ENTPD4: variants seen among roughly 807,000 people sequenced by gnomAD.
ENTPD4 encodes the protein ectonucleoside triphosphate diphosphohydrolase 4, also known as Golgi UDPase.
A neutral mutation model predicts 79.1 loss-of-function variants in ENTPD4; 60 were observed. The ratio of observed to expected loss-of-function variants is 0.76; its 90% CI spans 0.62 to 0.94. The LOEUF (loss-of-function observed/expected upper bound fraction) is 0.94, where lower values mean the gene tolerates loss of function less well. Ranked by LOEUF, ENTPD4 falls within the 40% of genes least tolerant of loss-of-function variation. The pLI is 0.00. For synonymous variants in ENTPD4, 276 were observed against 292.0 expected (o/e 0.95, Z 0.56); for missense variants, 772 against 775.1 (o/e 1.00, Z 0.05).
intron 4 of ENTPD4, 29 bp downstream of exon 4, chr8:23,447,651 T>C: frequency 4.5e-6 from 7 of 1,563,320 alleles, no homozygotes; most frequent in Non-Finnish European, 6.2e-6. Context: ...CACACCCTGG[T>C]TACCAGGCAG....
chr8:23,435,526 T>A (rs777646781), intron 10 of ENTPD4, 49 bp from the exon 11 acceptor site: 3 of 1,388,606 alleles, frequency 2.2e-6, no homozygotes, highest in Non-Finnish European at 3.1e-6. Flanking sequence ...CTTATTAAAA[T>A]TCTCACTTTA....
chr8:23,448,225 G>C (rs976804398), intron 3 of ENTPD4, among the ~76,000 whole-genome samples: 37 of 152,186 alleles, frequency 2.4e-4, no homozygotes, highest in African/African-American at 8.4e-4. Context: ...TTATGATATG[G>C]ATTTGGTAGT....
At chr8:23,448,978 C>A in intron 2 of ENTPD4, 39 bp from the exon 3 acceptor site, 1 of 1,518,534 alleles carries the variant, frequency 6.6e-7, no homozygotes, top group South Asian at 1.1e-5. Flanking sequence ...GCAATCTGCT[C>A]CAATGAGGCT....
rs944011196 is a variant in ENTPD4 at position 23,452,782 on chromosome 8, G to A, written c.-97-2785C>T. Among the ~76,000 whole-genome samples, 3 of 152,324 alleles carry A rather than the reference G, an allele frequency of 2.0e-5. No homozygotes were observed. In the East Asian group the frequency reaches 5.8e-4, roughly 29 times the overall value. The stretch of plus-strand genomic sequence containing the variant: ...CATTAGCAGAATGAACCTCTTCCTT[G>A]TGTTGTCAGTTGCATTCCTAAGAAT... On this transcript the variant is annotated intron_variant, in intron 1 of 12. Coordinates refer to ENST00000358689, the MANE Select transcript of ENTPD4 (RefSeq NM_004901.5).
In ENTPD4 at chr8:23,441,572, C is replaced by T. The variant is rs780839814; in HGVS notation, c.879G>A (p.Gln293=). 6.8e-6 allele frequency: 11 copies of T among 1,613,874 alleles called. No individual in the cohort carries two copies. In the East Asian group the frequency reaches 1.8e-4, roughly 26 times the overall value. The change falls in exon 8 of 13, where the codon CAG becomes CAA. Residue 293 remains glutamine, a synonymous_variant. Transcript: ENST00000358689. The part of the protein sequence containing the change: ...VPKTVSFASS[Q]QEEVAKNLLA... ...GGAAATTTGTACAGATAATGACCTG[C>T]TGTGAGGACGCAAAGCTTACAGTTT...
intron 8 of ENTPD4, 75 bp from the exon 9 acceptor site, chr8:23,439,990 T>C (rs1037438019): frequency 1.5e-6 from 2 of 1,310,216 alleles, no homozygotes; most frequent in African/African-American, 2.9e-5. Flanking sequence ...AGTCTAAAAA[T>C]AGTCTCATCT....
At chr8:23,434,180 C>T (rs1335170169) in intron 12 of ENTPD4, 137 bp downstream of exon 12, 11 of 1,184,934 alleles carry the variant, frequency 9.3e-6, no homozygotes, top group South Asian at 3.0e-5. Flanking sequence ...CAAAAGCAAA[C>T]GTCACTGTCC....
rs1800805094 is a variant in ENTPD4, at chr8:23,448,731, T to C, written c.206+11A>G. 1.9e-6 allele frequency: 3 copies of C among 1,611,532 alleles called. No homozygotes were observed. The South Asian group carries it at 3.3e-5, about 18-fold the overall frequency. ...CTTCTGGTCTAGAAAGCAAATGTTT[T>C]TATCTCTTACCTTTGAAATTTCTTG... On this transcript the variant is annotated intron_variant, in intron 3 of 12. Transcript: ENST00000358689.
rs1440037492 is a variant in ENTPD4 at position 23,455,639 on chromosome 8, T to G, written c.-98+1918A>C. Among the ~76,000 whole-genome samples, 3 of 152,240 alleles carry G rather than the reference T, an allele frequency of 2.0e-5. No individual in the cohort carries two copies. In the East Asian group the frequency reaches 5.8e-4, roughly 29 times the overall value. ...TCCTCCCTCTATTAATTTGCAAAAT[T>G]CTGGTTCCCATTTTAAGTAGTCTTT... On this transcript the variant is annotated intron_variant, in intron 1 of 12. Coordinates refer to ENST00000358689, the MANE Select transcript of ENTPD4 (RefSeq NM_004901.5).
rs553531704 is a variant in ENTPD4 at position 23,436,816 on chromosome 8, G to A, written c.1374+118C>T. The A allele has an allele frequency of 3.7e-6, 3 of 815,582 alleles. No individual in the cohort carries two copies. The East Asian group carries it at 7.3e-5, about 20-fold the overall frequency. 50.5% of individuals were successfully genotyped at this position (815,582 alleles called of 1,614,324 possible). On this transcript the variant is annotated intron_variant, in intron 10 of 12. Transcript: ENST00000358689. ...AAAGGGAACAGGATCCCAACATGCT[G>A]CAGTGCAGCCTTCTATACTCCGTCT...
At position 23,444,486 on chromosome 8, in the gene ENTPD4, C is replaced by T; in HGVS notation, c.533G>A (p.Cys178Tyr). Residue 178 changes from cysteine to tyrosine, a missense_variant, in exon 5 of 13, where the codon TGC becomes TAC. By Grantham distance (194) the Cys-to-Tyr change is radical (BLOSUM62 -2). Coordinates refer to ENST00000358689, the MANE Select transcript of ENTPD4 (RefSeq NM_004901.5). Reference sequence around the variant, plus strand: ...GGGGAGGATTCTCATTCCAGCCGTGCAGAGAATGTAGAGAGGTGTCTCTTT... The same window carrying T: ...GGGGAGGATTCTCATTCCAGCCGTGTAGAGAATGTAGAGAGGTGTCTCTTT... ...KHKETPLYIL[C>Y]TAGMRILPES... 6.2e-7 allele frequency: 1 copy of T among 1,614,122 alleles called. No homozygotes were observed. The highest frequency in any genetic ancestry group is 1.3e-5 in the African/African-American group (1 of 75,028).
At chr8:23,439,952 G>A in intron 8 of ENTPD4, 37 bp from the exon 9 acceptor site, 1 of 1,581,874 alleles carries the variant, frequency 6.3e-7, no homozygotes, top group Non-Finnish European at 8.7e-7. Flanking sequence ...AATAGCTTAA[G>A]CTACTTTAGC....
chr8:23,452,387 T>A (rs568199774), intron 1 of ENTPD4, among the ~76,000 whole-genome samples: 8 of 152,232 alleles, frequency 5.3e-5, no homozygotes, highest in Admixed American at 5.2e-4. Context: ...CCCCAACTTT[T>A]CTCTCTCACT....
At chr8:23,435,573 A>G in intron 10 of ENTPD4, 96 bp from the exon 11 acceptor site, 1 of 819,696 alleles carries the variant, frequency 1.2e-6, no homozygotes. Flanking sequence ...TAACAAGCAT[A>G]TCCTTCCCAT....
At position 23,430,636 on chromosome 8, in the gene ENTPD4, G is replaced by C; in HGVS notation, c.*2290C>G. The C allele has an allele frequency of 1.0e-6, 1 of 985,436 alleles. No homozygotes were observed. Among genetic ancestry groups the C allele is most frequent in the Middle Eastern group, 5.2e-4 (1 of 1,914 alleles). 61.0% of individuals were successfully genotyped at this position (985,436 alleles called of 1,614,324 possible). On this transcript the variant is annotated 3_prime_UTR_variant, in exon 13 of 13. Coordinates refer to ENST00000358689, the MANE Select transcript of ENTPD4 (RefSeq NM_004901.5). Reference sequence around the variant, plus strand: ...ATGGCAAATCCACTACTACCTCTCAGCTGGAGCAATGAGGTTTTCTCAGCC... The same window carrying C: ...ATGGCAAATCCACTACTACCTCTCACCTGGAGCAATGAGGTTTTCTCAGCC...
chr8:23,435,171 G>A (rs1800533794), intron 11 of ENTPD4, among the ~76,000 whole-genome samples: 1 of 152,202 alleles, frequency 6.6e-6, no homozygotes, highest in Non-Finnish European at 1.5e-5. Context: ...GTATGAACAG[G>A]GGAATTTCAG....
At position 23,448,752 on chromosome 8, in the gene ENTPD4, T is replaced by G; in HGVS notation, c.196A>C (p.Lys66Gln). 1 of 1,613,914 alleles carries G rather than the reference T, an allele frequency of 6.2e-7. No individual in the cohort carries two copies. ...NKYGRLTRDK[K>Q]FQRYLARVTD... Reference sequence around the variant, plus strand: ...GTTTTTATCTCTTACCTTTGAAATTTCTTGTCTCTGGTTAGTCGCCCATAC... The same window carrying G: ...GTTTTTATCTCTTACCTTTGAAATTGCTTGTCTCTGGTTAGTCGCCCATAC... Residue 66 changes from lysine to glutamine, a missense_variant, in exon 3 of 13, where the codon AAA (lysine) becomes CAA (glutamine). Transcript: ENST00000358689.
chr8:23,435,543 G>T (rs544252736), intron 10 of ENTPD4, 66 bp from the exon 11 acceptor site: 2 of 1,185,830 alleles, frequency 1.7e-6, no homozygotes, highest in Non-Finnish European at 2.5e-6. Context: ...TTTAAAAATG[G>T]TTTACCAAAT....
intron 5 of ENTPD4, 78 bp downstream of exon 5, chr8:23,444,375 GAGA>G (rs1462299519): frequency 1.7e-6 from 2 of 1,193,610 alleles, no homozygotes; most frequent in East Asian, 4.7e-5. Context: ...TGATGGAGAG[GAGA>G]AGGAGGAAGG....
Sources: gnomAD v4.1 joint callset for allele counts (sites outside exome capture counted in the v4.1 genomes callset) on GRCh38, gnomAD v4.1.1 for gene constraint, MANE v1.5 for transcripts, NCBI Gene and HGNC (gene_info 2026-07-23, HGNC 2026-07-21) for gene names.